Variants in JPH1 observed in about 807,000 individuals in gnomAD.
JPH1 encodes the protein junctophilin-1.
JPH1 carries 12 observed loss-of-function variants against 53.6 expected under a neutral mutation model. The ratio of observed to expected loss-of-function variants is 0.22; its 90% CI spans 0.14 to 0.36. The LOEUF is 0.36. Among genes scored for constraint, JPH1 ranks in the 10% least tolerant of loss-of-function variants. JPH1 has a pLI of 1.00. For missense variants in JPH1, 808 were observed against 905.5 expected, an observed-to-expected ratio of 0.89 and a Z score of 1.38; for synonymous variants, 375 against 363.8, an observed-to-expected ratio of 1.03 and a Z score of -0.35.
At chr8:74,255,298 G>A (rs1479069290) in intron 3 of JPH1, among the ~76,000 whole-genome samples, 7 of 152,030 alleles carry the variant, frequency 4.6e-5, no homozygotes, top group Admixed American at 4.6e-4. Context: ...ATGGGGAAAG[G>A]ATTCCCTATT....
In JPH1 at chr8:74,237,016, C is replaced by T. The variant is rs556277079; in HGVS notation, c.*35G>A. ...TGCAGAGAACTGTGGGCTAACACAC[C>T]ACTAGTTGTCAGGACTTCACTGAAG... is the stretch of plus-strand genomic sequence containing the variant. On this transcript the variant is annotated 3_prime_UTR_variant, in exon 6 of 6. Coordinates refer to ENST00000342232, the MANE Select transcript of JPH1 (RefSeq NM_020647.4). 1 of 525,452 alleles carries T rather than the reference C, an allele frequency of 1.9e-6. No homozygotes were observed. The highest frequency in any genetic ancestry group is 3.4e-6 in the Non-Finnish European group (1 of 293,196). 32.5% of individuals were successfully genotyped at this position (525,452 alleles called of 1,614,324 possible). A position where few individuals can be genotyped will look rare whatever the true frequency, so the allele number is the denominator to read the frequency against.
chr8:74,293,775 G>C (rs1297837377), intron 2 of JPH1, among the ~76,000 whole-genome samples: 1 of 152,166 alleles, frequency 6.6e-6, no homozygotes, highest in African/African-American at 2.4e-5. Context: ...CCATAAAGAG[G>C]GGAGGGCACT....
At chr8:74,302,426 A>G (rs1280042279) in intron 2 of JPH1, among the ~76,000 whole-genome samples, 1 of 152,342 alleles carries the variant, frequency 6.6e-6, no homozygotes, top group Middle Eastern at 3.4e-3. Flanking sequence ...TAAACTTTTT[A>G]AAGAAACCAC....
At chr8:74,250,396 G>T (rs1310036607) in intron 3 of JPH1, among the ~76,000 whole-genome samples, 1 of 152,178 alleles carries the variant, frequency 6.6e-6, no homozygotes, top group Non-Finnish European at 1.5e-5. Flanking sequence ...GCCTCCCAGA[G>T]TGCTGGGATT....
chr8:74,271,945 A>C (rs1806712349), intron 2 of JPH1, among the ~76,000 whole-genome samples: 2 of 152,222 alleles, frequency 1.3e-5, no homozygotes, highest in Non-Finnish European at 2.9e-5. Flanking sequence ...CAGAATAAGA[A>C]GGAGAGTTAA....
At chr8:74,309,914 TCTG>T (rs1449372477) in intron 2 of JPH1, among the ~76,000 whole-genome samples, 3 of 152,238 alleles carry the variant, frequency 2.0e-5, no homozygotes, top group African/African-American at 4.8e-5. Context: ...CAAAACAGAT[TCTG>T]CTTATTATAT....
At chr8:74,266,453 C>T (rs1321968064) in intron 2 of JPH1, among the ~76,000 whole-genome samples, 1 of 152,120 alleles carries the variant, frequency 6.6e-6, no homozygotes, top group South Asian at 2.1e-4. Context: ...ATAAGCCAGT[C>T]ACAAAAAGAC....
Position 74,314,923 on chromosome 8 carries a change from T to G in JPH1, c.1077A>C (p.Ala359=). The G allele has an allele frequency of 1.2e-6, 2 of 1,614,232 alleles. No individual in the cohort carries two copies. The highest frequency in any genetic ancestry group is 1.7e-6 in the Non-Finnish European group (2 of 1,180,042). Residue 359 remains alanine (A), a synonymous_variant, in exon 2 of 6, where the codon GCA becomes GCC. Coordinates refer to ENST00000342232, the MANE Select transcript of JPH1 (RefSeq NM_020647.4). The part of the protein sequence containing the change: ...HTKTREKVDR[A]IEGAQRAAAM... ...CAGCTGCCCTTTGGGCGCCTTCAAT[T>G]GCTCTGTCCACCTTCTCCCTAGTTT... is the stretch of plus-strand genomic sequence containing the variant.
chr8:74,286,153 G>A (rs540144689), intron 2 of JPH1, among the ~76,000 whole-genome samples: 4 of 152,136 alleles, frequency 2.6e-5, no homozygotes, highest in East Asian at 3.9e-4. Context: ...TATCCTACTC[G>A]GTCACCATAA....
chr8:74,302,571 T>C (rs981289395), intron 2 of JPH1, among the ~76,000 whole-genome samples: 10 of 152,216 alleles, frequency 6.6e-5, no homozygotes, highest in African/African-American at 2.4e-4. Flanking sequence ...ATGCCTGCTA[T>C]GGAACTTGAG....
At chr8:74,308,671 T>C (rs184177479) in intron 2 of JPH1, among the ~76,000 whole-genome samples, 2 of 152,302 alleles carry the variant, frequency 1.3e-5, no homozygotes, top group Non-Finnish European at 2.9e-5. Flanking sequence ...TCAACAAATA[T>C]TGTGAAATTA....
intron 2 of JPH1, among the ~76,000 whole-genome samples, chr8:74,309,237 C>T (rs1255413297): frequency 1.3e-5 from 2 of 152,210 alleles, no homozygotes; most frequent in African/African-American, 4.8e-5. Flanking sequence ...TACCAATGAG[C>T]TTCACTAGCT....
Position 74,320,940 on chromosome 8 carries a change from G to A in JPH1, c.348C>T (p.Asp116=), listed in dbSNP as rs1207487958. The change falls in exon 1 of 6, where the codon GAC becomes GAT. Residue 116 remains aspartate, a synonymous_variant. Coordinates refer to ENST00000342232, the MANE Select transcript of JPH1 (RefSeq NM_020647.4). The surrounding 1 kb of genome is among the most constrained non-coding windows in gnomAD (Gnocchi z 4.4). ...YEGTWSNGLQ[D]GYGVETYGDG... is the part of the protein sequence containing the mutation. The stretch of plus-strand genomic sequence containing the variant: ...CCCCGTAGGTCTCCACGCCGTACCC[G>A]TCTTGCAGCCCGTTACTCCAGGTAC... The A allele has an allele frequency of 2.5e-6, 4 of 1,597,076 alleles. No individual in the cohort carries two copies. Among genetic ancestry groups the A allele is most frequent in the South Asian group, 2.3e-5 (2 of 88,662 alleles).
chr8:74,264,368 C>A (rs1298248697), intron 2 of JPH1, among the ~76,000 whole-genome samples: 2 of 152,032 alleles, frequency 1.3e-5, no homozygotes, highest in African/African-American at 2.4e-5. Flanking sequence ...ATTCTTATGT[C>A]CTGGTTTAAA....
intron 2 of JPH1, among the ~76,000 whole-genome samples, chr8:74,288,251 G>A (rs893523150): frequency 7.2e-5 from 11 of 152,180 alleles, no homozygotes; most frequent in African/African-American, 1.7e-4. Flanking sequence ...CCCATCCTCC[G>A]TGGGTTGCTA....
rs563559840 is a variant in JPH1, at chr8:74,253,390, G to T, written c.1258+5995C>A. Among the ~76,000 whole-genome samples the T allele has an allele frequency of 7.2e-5, 11 of 152,232 alleles. No individual in the cohort carries two copies. In the East Asian group the frequency reaches 2.1e-3, roughly 29 times the overall value. ...CCAGAATCTCTGGGACACATTCAAA[G>T]CAGTGTGTAGAGGGAAATTTATAGC... On this transcript the variant is annotated intron_variant, in intron 3 of 5. Coordinates refer to ENST00000342232, the MANE Select transcript of JPH1 (RefSeq NM_020647.4).
intron 2 of JPH1, among the ~76,000 whole-genome samples, chr8:74,277,891 A>G (rs1806894281): frequency 6.6e-6 from 1 of 152,156 alleles, no homozygotes. Context: ...AAAAAACAGG[A>G]AGAGTCTCCC....
intron 2 of JPH1, among the ~76,000 whole-genome samples, chr8:74,312,649 C>T (rs531396502): frequency 1.6e-4 from 24 of 151,462 alleles, no homozygotes; most frequent in African/African-American, 5.8e-4. Context: ...ACTGAAACTT[C>T]GTATCTGTTG....
intron 3 of JPH1, among the ~76,000 whole-genome samples, chr8:74,256,279 A>T (rs1806226269): frequency 6.6e-6 from 1 of 152,084 alleles, no homozygotes; most frequent in African/African-American, 2.4e-5. Context: ...ATTCTCAGCA[A>T]ACTATCACAA....
Sources: gnomAD v4.1 joint callset for allele counts (sites outside exome capture counted in the v4.1 genomes callset) on GRCh38, gnomAD v4.1.1 for gene constraint, Gnocchi (gnomAD v3.1) non-coding constraint, MANE v1.5 for transcripts, NCBI Gene and HGNC (gene_info 2026-07-23, HGNC 2026-07-21) for gene names.